The following FNIP1 variants were observed in gnomAD, a reference collection of about 807,000 sequenced individuals.
FNIP1 encodes the protein folliculin-interacting protein 1.
Under a neutral mutation model 124.5 loss-of-function variants are expected in FNIP1, and 40 were observed. The ratio of observed to expected loss-of-function variants is 0.32; its 90% CI spans 0.25 to 0.42. FNIP1 has a LOEUF of 0.42. Among genes scored for constraint, FNIP1 ranks in the 10% least tolerant of loss-of-function variants. The pLI is 1.00. For missense variants in FNIP1, 1,176 were observed against 1,403.7 expected (o/e 0.84, Z 2.59); for synonymous variants, 472 against 470.6 (o/e 1.00, Z -0.04).
intron 11 of FNIP1, among the ~76,000 whole-genome samples, chr5:131,694,820 T>A (rs1167326393): frequency 1.3e-5 from 2 of 152,118 alleles, no homozygotes; most frequent in Non-Finnish European, 2.9e-5. Context: ...CATTAATAAC[T>A]GACGCCAGGT....
intron 3 of FNIP1, among the ~76,000 whole-genome samples, chr5:131,724,184 C>A (rs1315923050): frequency 6.6e-6 from 1 of 152,158 alleles, no homozygotes; most frequent in Non-Finnish European, 1.5e-5. Context: ...ATCCATGTGT[C>A]TTTATACTAG....
chr5:131,716,135 C>A (rs1231399612), intron 6 of FNIP1, among the ~76,000 whole-genome samples: 1 of 152,170 alleles, frequency 6.6e-6, no homozygotes, highest in Non-Finnish European at 1.5e-5. Context: ...AACATCTGCT[C>A]ATCTGAGTTA....
At chr5:131,719,123 A>G in intron 4 of FNIP1, 63 bp from the exon 5 acceptor site, 1 of 1,472,060 alleles carries the variant, frequency 6.8e-7, no homozygotes, top group Non-Finnish European at 9.5e-7. Flanking sequence ...TGGATTTATT[A>G]TAAATAAAAA....
chr5:131,768,240 C>T (rs925100007), intron 1 of FNIP1, among the ~76,000 whole-genome samples: 7 of 152,118 alleles, frequency 4.6e-5, no homozygotes, highest in African/African-American at 1.7e-4. Flanking sequence ...TAGATTTCTA[C>T]ACCATAAGAG....
At position 131,684,157 on chromosome 5, in the gene FNIP1, CTAAA is replaced by C. The variant is rs1166177076; in HGVS notation, c.1203-4986_1203-4983del. Among the ~76,000 whole-genome samples the C allele has an allele frequency of 2.6e-5, 4 of 152,166 alleles. No individual in the cohort carries two copies. In the East Asian group the frequency reaches 5.8e-4, roughly 22 times the overall value. ...GCAGAAAAATGCAAAAAAATTGGCACTAAATAAATGTCAAAAAAGTATATTTGTT... is the reference window on the plus strand; with the variant it reads ...GCAGAAAAATGCAAAAAAATTGGCACTAAATGTCAAAAAAGTATATTTGTT... On this transcript the variant is annotated intron_variant, in intron 11 of 17. Coordinates refer to ENST00000510461, the MANE Select transcript of FNIP1 (RefSeq NM_133372.3).
At chr5:131,721,242 T>C (rs1208116219) in intron 3 of FNIP1, among the ~76,000 whole-genome samples, 2 of 152,120 alleles carry the variant, frequency 1.3e-5, no homozygotes, top group Non-Finnish European at 2.9e-5. Context: ...AGATAAATAC[T>C]GCATGATAAG....
At chr5:131,660,650 T>C (rs571805874) in intron 15 of FNIP1, among the ~76,000 whole-genome samples, 9 of 152,214 alleles carry the variant, frequency 5.9e-5, no homozygotes, top group Non-Finnish European at 1.2e-4. Context: ...CCATCTCCCA[T>C]GTGGGGTGGC....
intron 2 of FNIP1, among the ~76,000 whole-genome samples, chr5:131,737,887 C>A (rs1015778346): frequency 1.3e-5 from 2 of 152,172 alleles, no homozygotes; most frequent in African/African-American, 2.4e-5. Flanking sequence ...TAGTGCTTAA[C>A]AGCGGTTGCC....
chr5:131,755,881 T>C (rs1482315421), intron 1 of FNIP1, among the ~76,000 whole-genome samples: 1 of 151,840 alleles, frequency 6.6e-6, no homozygotes, highest in Non-Finnish European at 1.5e-5. Context: ...TAGTGGCACA[T>C]GTCTGTAGTC....
chr5:131,727,436 TTTTG>T (rs1252454123), intron 3 of FNIP1, among the ~76,000 whole-genome samples: 2 of 152,072 alleles, frequency 1.3e-5, no homozygotes, highest in Non-Finnish European at 2.9e-5. Flanking sequence ...TTCTTTGTCT[TTTTG>T]TTTTTCTTTA....
chr5:131,745,710 T>C (rs867186496), intron 1 of FNIP1, among the ~76,000 whole-genome samples: 98 of 152,132 alleles, frequency 6.4e-4, no homozygotes, highest in African/African-American at 2.2e-3. Context: ...TTTATCACAA[T>C]GAATGAATTT....
chr5:131,667,665 T>C (rs759570199), intron 15 of FNIP1, among the ~76,000 whole-genome samples: 1 of 150,008 alleles, frequency 6.7e-6, no homozygotes. Context: ...CTCGGCTCAC[T>C]GCAACCTCTA....
intron 11 of FNIP1, among the ~76,000 whole-genome samples, chr5:131,687,011 T>C (rs1214237114): frequency 6.7e-6 from 1 of 149,288 alleles, no homozygotes; most frequent in Non-Finnish European, 1.5e-5. Context: ...GGTTTTTTTT[T>C]CCTTTCTCAA....
At chr5:131,646,501 A>AG (rs1766885349) in intron 17 of FNIP1, among the ~76,000 whole-genome samples, 2 of 152,006 alleles carry the variant, frequency 1.3e-5, no homozygotes, top group African/African-American at 2.4e-5. Context: ...TGGCATTTCA[A>AG]GAAATAATTC....
At chr5:131,714,815 T>A (rs1341522337) in intron 6 of FNIP1, among the ~76,000 whole-genome samples, 1 of 152,220 alleles carries the variant, frequency 6.6e-6, no homozygotes, top group Admixed American at 6.5e-5. Flanking sequence ...AAGAATTTAC[T>A]ATAGTATACT....
intron 1 of FNIP1, among the ~76,000 whole-genome samples, chr5:131,751,524 A>G (rs1263030801): frequency 6.6e-6 from 1 of 152,084 alleles, no homozygotes; most frequent in African/African-American, 2.4e-5. Flanking sequence ...AGTAAATGTA[A>G]TATCATAGGC....
At position 131,720,018 on chromosome 5, in the gene FNIP1, C is replaced by G. The variant is rs544838856; in HGVS notation, c.355-601G>C. Among the ~76,000 whole-genome samples the G allele has an allele frequency of 5.9e-5, 9 of 152,214 alleles. No individual in the cohort carries two copies. In the East Asian group the frequency reaches 1.7e-3, roughly 29 times the overall value. Reference sequence around the variant, plus strand: ...ACATGAAACCACAGAAGACCACAACCTTCTTCTTCAAGAAGCAGCAGCCAA... The same window carrying G: ...ACATGAAACCACAGAAGACCACAACGTTCTTCTTCAAGAAGCAGCAGCCAA... On this transcript the variant is annotated intron_variant, in intron 3 of 17. Coordinates refer to ENST00000510461, the MANE Select transcript of FNIP1 (RefSeq NM_133372.3).
intron 16 of FNIP1, among the ~76,000 whole-genome samples, chr5:131,650,439 T>C (rs1008714393): frequency 6.6e-6 from 1 of 152,232 alleles, no homozygotes; most frequent in Non-Finnish European, 1.5e-5. Flanking sequence ...AATAAGTATA[T>C]AGAAATGCAA....
intron 2 of FNIP1, 99 bp from the exon 3 acceptor site, chr5:131,731,137 TA>T (rs1770075059): frequency 3.7e-6 from 4 of 1,080,242 alleles, no homozygotes; most frequent in African/African-American, 1.6e-5. Context: ...AAGAATGAAA[TA>T]ACTCAAAATA....
Sources: allele counts gnomAD v4.1 joint callset (sites outside exome capture counted in the v4.1 genomes callset), GRCh38; gene constraint gnomAD v4.1.1; transcripts MANE v1.5; gene names NCBI Gene and HGNC (gene_info 2026-07-23, HGNC 2026-07-21).